Variants in ZNF675 observed in about 807,000 individuals in gnomAD.
ZNF675 encodes TRAF6 inhibitory zinc finger.
Under a neutral mutation model 56.1 loss-of-function variants are expected in ZNF675, and 36 were observed. The observed-to-expected ratio is 0.64, with a 90% CI of 0.49 to 0.85. ZNF675 has a LOEUF of 0.85. ZNF675 is among the 40% of genes least tolerant of loss of function. The pLI is 0.00. For synonymous variants in ZNF675, 200 were observed against 218.9 expected, an observed-to-expected ratio of 0.91 and a Z score of 0.76; for missense variants, 663 against 654.2, an observed-to-expected ratio of 1.01 and a Z score of -0.15.
At chr19:23,669,238 A>G (rs1164476248) in intron 1 of ZNF675, among the ~76,000 whole-genome samples, 1 of 152,198 alleles carries the variant, frequency 6.6e-6, no homozygotes, top group Non-Finnish European at 1.5e-5. Context: ...AGAAGGGGGA[A>G]AGATTTTCTA....
chr19:23,687,072 A>C lies in ZNF675; in HGVS notation c.-39T>G. 2 of 1,612,800 alleles carry C rather than the reference A, an allele frequency of 1.2e-6. No homozygotes were observed. Among genetic ancestry groups the C allele is most frequent in the African/African-American group, 1.3e-5 (1 of 74,926 alleles). On this transcript the variant is annotated 5_prime_UTR_variant, in exon 1 of 4. Transcript: ENST00000359788. ...GGGGGTCCTGGAGTCTTAGCTGTGGATCTCTCAATTTCTGCAGGTCACAGG... is the reference window on the plus strand; with the variant it reads ...GGGGGTCCTGGAGTCTTAGCTGTGGCTCTCTCAATTTCTGCAGGTCACAGG...
In ZNF675 at chr19:23,654,260, C is replaced by T. The variant is rs1405261145; in HGVS notation, c.673G>A (p.Glu225Lys). The T allele has an allele frequency of 1.2e-6, 2 of 1,613,244 alleles. No individual in the cohort carries two copies. Among genetic ancestry groups the T allele is most frequent in the African/African-American group, 2.7e-5 (2 of 74,924 alleles). Residue 225 changes from glutamate (E) to lysine (K), a missense_variant, in exon 4 of 4, where the codon GAG becomes AAG. Transcript: ENST00000359788. ...CATTCTTGACATTTGTAGAGTTTCTCACAAGTATAAATTCTTTTATGTTTA... is the reference window on the plus strand; with the variant it reads ...CATTCTTGACATTTGTAGAGTTTCTTACAAGTATAAATTCTTTTATGTTTA... ...LTKHKRIYTC[E>K]KLYKCQECDR...
At chr19:23,655,258 T>A (rs182131157) in intron 3 of ZNF675, 56 of 151,174 alleles carry the variant, frequency 3.7e-4, no homozygotes, top group Admixed American at 3.3e-3. Flanking sequence ...AAAAGTAAAT[T>A]GCAAACTTCA....
intron 1 of ZNF675, among the ~76,000 whole-genome samples, chr19:23,670,442 C>A (rs532708175): frequency 1.3e-5 from 2 of 151,402 alleles, no homozygotes; most frequent in East Asian, 3.9e-4. Context: ...CAGAACCTAC[C>A]CCCCAAAGGA....
chr19:23,669,279 A>C (rs1968197790), intron 1 of ZNF675, among the ~76,000 whole-genome samples: 1 of 150,492 alleles, frequency 6.6e-6, no homozygotes, highest in Admixed American at 6.7e-5. Flanking sequence ...TTATCCCTAC[A>C]TATGACACCG....
chr19:23,658,626 G>C (rs2144922364), intron 3 of ZNF675: 1 of 152,086 alleles, frequency 6.6e-6, no homozygotes, highest in South Asian at 2.1e-4. Flanking sequence ...GTTGCAGTAA[G>C]CAGAGATTGT....
chr19:23,683,189 CA>C (rs1028077248), intron 1 of ZNF675, among the ~76,000 whole-genome samples: 23 of 131,450 alleles, frequency 1.7e-4, no homozygotes, highest in South Asian at 2.4e-4. Flanking sequence ...GACTCAGTCT[CA>C]AAAAAAAAAA....
In ZNF675 at chr19:23,652,963, T is replaced by C. The variant is rs1488758085; in HGVS notation, c.*263A>G. 1 of 294,014 alleles carries C rather than the reference T, an allele frequency of 3.4e-6. No homozygotes were observed. Among genetic ancestry groups the C allele is most frequent in the Non-Finnish European group, 6.3e-6 (1 of 159,724 alleles). 18.2% of individuals were successfully genotyped at this position (294,014 alleles called of 1,614,324 possible). On this transcript the variant is annotated 3_prime_UTR_variant, in exon 4 of 4. Coordinates refer to ENST00000359788, the MANE Select transcript of ZNF675 (RefSeq NM_138330.3). ...ATTCTGATATTAAGATGTCAACAGATATTAATGGCTATTTTACACTCTTTA... is the reference window on the plus strand; with the variant it reads ...ATTCTGATATTAAGATGTCAACAGACATTAATGGCTATTTTACACTCTTTA...
chr19:23,666,407 T>A (rs1968151460), intron 1 of ZNF675, among the ~76,000 whole-genome samples: 1 of 152,232 alleles, frequency 6.6e-6, no homozygotes, highest in Non-Finnish European at 1.5e-5. Context: ...TCAGAGCAAT[T>A]GTGGGCCACC....
At chr19:23,674,725 T>C (rs1159633130) in intron 1 of ZNF675, among the ~76,000 whole-genome samples, 1 of 151,544 alleles carries the variant, frequency 6.6e-6, no homozygotes, top group African/African-American at 2.4e-5. Flanking sequence ...TCCCACCACT[T>C]TGAGAGGCCA....
chr19:23,654,121 A>G lies in ZNF675; in HGVS notation c.812T>C (p.Leu271Pro), dbSNP rs772715837. The change falls in exon 4 of 4, where the codon CTT becomes CCT. Residue 271 changes from leucine to proline, a missense_variant. Physicochemically the swap from Leu to Pro is moderately conservative, Grantham distance 98. Around this residue, in one of 3 missense-constraint regions of ZNF675, gnomAD observed 617 missense variants for 590.5 expected, o/e 1.04. Transcript: ENST00000359788. ...TGTATGAATTATCTTATGTGTAGTA[A>G]GGTGTGAGGACTGGTTAAAGGCTTT... The part of the protein sequence containing the change: ...CGKAFNQSSH[L>P]TTHKIIHTGE... 6.2e-7 allele frequency: 1 copy of G among 1,613,984 alleles called. No individual in the cohort carries two copies. Among genetic ancestry groups the G allele is most frequent in the South Asian group, 1.1e-5 (1 of 91,072 alleles).
At chr19:23,662,069 C>T (rs1049435653) in intron 3 of ZNF675, 45 bp downstream of exon 3, 4 of 1,385,686 alleles carry the variant, frequency 2.9e-6, no homozygotes, top group Admixed American at 3.4e-5. Flanking sequence ...ACCTTTGGAC[C>T]TCTCATCAGT....
Position 23,653,209 on chromosome 19 carries a change from T to C in ZNF675, c.*17A>G. On this transcript the variant is annotated 3_prime_UTR_variant, in exon 4 of 4. Transcript: ENST00000359788. ...CCTTTATATTTAGAAAAATTTGAGG[T>C]GTTGTCAAAATCATTATCACACATT... 1 of 1,543,450 alleles carries C rather than the reference T, an allele frequency of 6.5e-7. No homozygotes were observed. Among genetic ancestry groups the C allele is most frequent in the South Asian group, 1.3e-5 (1 of 78,616 alleles).
At chr19:23,676,539 G>A (rs561651928) in intron 1 of ZNF675, among the ~76,000 whole-genome samples, 5 of 151,766 alleles carry the variant, frequency 3.3e-5, no homozygotes, top group African/African-American at 1.2e-4. Context: ...TGGAACACAA[G>A]GTTGGTTCAA....
chr19:23,654,243 A>C lies in ZNF675; in HGVS notation c.690T>G (p.Cys230Trp). The C allele has an allele frequency of 6.2e-7, 1 of 1,613,908 alleles. No individual in the cohort carries two copies. The highest frequency in any genetic ancestry group is 8.5e-7 in the Non-Finnish European group (1 of 1,179,944). The change falls in exon 4 of 4, where the codon TGT (cysteine) becomes TGG (tryptophan). Residue 230 changes from cysteine to tryptophan, a missense_variant. Transcript: ENST00000359788. The stretch of plus-strand genomic sequence containing the variant: ...GGTTAAAAGTTCTGTCACATTCTTG[A>C]CATTTGTAGAGTTTCTCACAAGTAT... ...RIYTCEKLYK[C>W]QECDRTFNQF...
intron 1 of ZNF675, among the ~76,000 whole-genome samples, chr19:23,675,013 C>G (rs1486481233): frequency 6.6e-6 from 1 of 150,484 alleles, no homozygotes; most frequent in African/African-American, 2.5e-5. Context: ...TTATTTCTAA[C>G]TTAAATTTTC....
At chr19:23,665,063 G>A (rs572933725) in intron 1 of ZNF675, among the ~76,000 whole-genome samples, 1 of 151,926 alleles carries the variant, frequency 6.6e-6, no homozygotes, top group Non-Finnish European at 1.5e-5. Context: ...TAGAAACCTG[G>A]GCTGGGCATG....
rs1236949655 is a variant in ZNF675 at position 23,652,980 on chromosome 19, CACTCTTTATAT to C, written c.*235_*245del. The C allele has an allele frequency of 2.9e-6, 1 of 339,078 alleles. No homozygotes were observed. The highest frequency in any genetic ancestry group is 5.3e-6 in the Non-Finnish European group (1 of 188,772). 21.0% of individuals were successfully genotyped at this position (339,078 alleles called of 1,614,324 possible). On this transcript the variant is annotated 3_prime_UTR_variant, in exon 4 of 4. Coordinates refer to ENST00000359788, the MANE Select transcript of ZNF675 (RefSeq NM_138330.3). Reference sequence around the variant, plus strand: ...TCAACAGATATTAATGGCTATTTTACACTCTTTATATTTGTACAATTTTTCTTAAGTATAAA... The same window carrying C: ...TCAACAGATATTAATGGCTATTTTACTTGTACAATTTTTCTTAAGTATAAA...
At position 23,653,909 on chromosome 19, in the gene ZNF675, A is replaced by G. The variant is rs540544151; in HGVS notation, c.1024T>C (p.Cys342Arg). The G allele has an allele frequency of 4.5e-5, 72 of 1,613,400 alleles. No homozygotes were observed. In the East Asian group the frequency reaches 1.6e-3, roughly 35 times the overall value. ...TTAAAAGCTTTTCCACATTCTTCAC[A>G]TTTGTAGGGTTTTTCTCCAGTATGA... ...RIHTGEKPYK[C>R]EECGKAFNRS... Residue 342 changes from cysteine to arginine, a missense_variant, in exon 4 of 4, where the codon TGT becomes CGT. Coordinates refer to ENST00000359788, the MANE Select transcript of ZNF675 (RefSeq NM_138330.3).
Sources: gnomAD v4.1 joint callset for allele counts (sites outside exome capture counted in the v4.1 genomes callset) on GRCh38, gnomAD v4.1.1 for gene constraint, gnomAD v4.1.1 regional missense constraint, MANE v1.5 for transcripts, NCBI Gene and HGNC (gene_info 2026-07-23, HGNC 2026-07-21) for gene names.